PTPRG: variants seen among roughly 807,000 people sequenced by gnomAD.
The protein encoded by PTPRG is protein tyrosine phosphatase receptor type G, also known as receptor-type tyrosine-protein phosphatase gamma.
A neutral mutation model predicts 165.3 loss-of-function variants in PTPRG; 102 were observed. The observed-to-expected ratio is 0.62, with a 90% CI of 0.53 to 0.73. The LOEUF is 0.73. PTPRG is among the 30% of genes least tolerant of loss of function. The pLI is 0.00. For synonymous variants in PTPRG, 675 were observed against 669.5 expected (o/e 1.01, Z -0.13); for missense variants, 1,866 against 1,861.4 (o/e 1.00, Z -0.05).
chr3:61,638,518 A>G (rs571338817), intron 1 of PTPRG, among the ~76,000 whole-genome samples: 5 of 110,426 alleles, frequency 4.5e-5, no homozygotes, highest in Non-Finnish European at 9.1e-5. Context: ...TTATTTTTAG[A>G]TTATCATAGA....
chr3:61,754,469 G>A lies in PTPRG; in HGVS notation c.190+5487G>A, dbSNP rs116854951. Among the ~76,000 whole-genome samples the A allele has an allele frequency of 8.1e-4, 124 of 152,170 alleles. 2 individuals are homozygous for A. In the East Asian group the frequency reaches 0.02, roughly 24 times the overall value. On this transcript the variant is annotated intron_variant, in intron 2 of 29. Coordinates refer to ENST00000474889, the MANE Select transcript of PTPRG (RefSeq NM_002841.4). Reference sequence around the variant, plus strand: ...GTCTGGGCGTGTGTCTCATTTCCCCGGCTAAGTGTAGAATCCTTGAAGACA... The same window carrying A: ...GTCTGGGCGTGTGTCTCATTTCCCCAGCTAAGTGTAGAATCCTTGAAGACA...
chr3:61,785,730 A>G (rs2034675039), intron 2 of PTPRG, among the ~76,000 whole-genome samples: 1 of 152,200 alleles, frequency 6.6e-6, no homozygotes, highest in South Asian at 2.1e-4. Flanking sequence ...ACAGTATAAA[A>G]TCTTTATATA....
intron 2 of PTPRG, among the ~76,000 whole-genome samples, chr3:61,940,583 G>A (rs1280589397): frequency 6.6e-6 from 1 of 152,050 alleles, no homozygotes; most frequent in Non-Finnish European, 1.5e-5. Context: ...TCTCTTGGTA[G>A]AATTACACAT....
At position 62,219,126 on chromosome 3, in the gene PTPRG, CTT is replaced by C; in HGVS notation, c.2288+144_2288+145del. 3 of 1,156,416 alleles carry C rather than the reference CTT, an allele frequency of 2.6e-6. No individual in the cohort carries two copies. The highest frequency in any genetic ancestry group is 3.6e-6 in the Non-Finnish European group (3 of 822,214). The allele number at this position is 1,156,416 out of a possible 1,614,324, so 71.6% of individuals were successfully genotyped here. ...CTGGTCTTGCCACCCGGAAGGCCAT[CTT>C]GTCTCTGTTAGATGATGGCAGGGCC... On this transcript the variant is annotated intron_variant, in intron 13 of 29. Coordinates refer to ENST00000474889, the MANE Select transcript of PTPRG (RefSeq NM_002841.4). The surrounding 1 kb of genome is among the most constrained non-coding windows in gnomAD (Gnocchi z 4.5).
At chr3:61,978,092 T>C (rs528903339) in intron 2 of PTPRG, among the ~76,000 whole-genome samples, 3 of 152,340 alleles carry the variant, frequency 2.0e-5, no homozygotes, top group African/African-American at 7.2e-5. Context: ...CCTCAAGTGA[T>C]CTGCCCGCCT....
chr3:61,678,009 A>T (rs1703295075), intron 1 of PTPRG, among the ~76,000 whole-genome samples: 1 of 152,192 alleles, frequency 6.6e-6, no homozygotes, highest in Non-Finnish European at 1.5e-5. Flanking sequence ...GTAACACAAC[A>T]TGCTGTGTGC....
intron 12 of PTPRG, among the ~76,000 whole-genome samples, chr3:62,205,149 T>G (rs1178050037): frequency 1.3e-5 from 2 of 152,128 alleles, no homozygotes; most frequent in African/African-American, 4.8e-5. Context: ...AAAGCTGCTA[T>G]GAACTAATTT....
rs1702970178 is a variant in PTPRG at position 62,293,457 on chromosome 3, T to A, written c.*150T>A. 1.5e-6 allele frequency: 1 copy of A among 648,168 alleles called. No individual in the cohort carries two copies. Among genetic ancestry groups the A allele is most frequent in the Admixed American group, 3.7e-5 (1 of 26,820 alleles). 40.2% of individuals were successfully genotyped at this position (648,168 alleles called of 1,614,324 possible). A position where few individuals can be genotyped will look rare whatever the true frequency, so the allele number is the denominator to read the frequency against. On this transcript the variant is annotated 3_prime_UTR_variant, in exon 30 of 30. Transcript: ENST00000474889. ...GATATTTATTTTTTGCCATTTTATG[T>A]CTTAATGGTATCCTACTGAGCATTT...
intron 1 of PTPRG, among the ~76,000 whole-genome samples, chr3:61,681,460 T>C (rs943824711): frequency 2.0e-5 from 3 of 152,252 alleles, no homozygotes; most frequent in Admixed American, 1.3e-4. Context: ...GTTGACTGGA[T>C]CTCGTAATCT....
chr3:61,581,961 G>GTTTTAT (rs529877697), intron 1 of PTPRG, among the ~76,000 whole-genome samples: 3 of 151,100 alleles, frequency 2.0e-5, no homozygotes, highest in African/African-American at 7.3e-5. Flanking sequence ...ATTTTGTTTT[G>GTTTTAT]TTTTATTTTT....
chr3:61,968,684 G>A (rs962042659), intron 2 of PTPRG, among the ~76,000 whole-genome samples: 1 of 152,044 alleles, frequency 6.6e-6, no homozygotes, highest in Non-Finnish European at 1.5e-5. Context: ...ACCATTTGGG[G>A]GTTGACTTTG....
At chr3:61,621,069 G>GTA (rs1380697676) in intron 1 of PTPRG, among the ~76,000 whole-genome samples, 2 of 142,920 alleles carry the variant, frequency 1.4e-5, no homozygotes, top group South Asian at 2.3e-4. Context: ...GTGTGTGTGT[G>GTA]TGTGTGTGTA....
intron 1 of PTPRG, among the ~76,000 whole-genome samples, chr3:61,710,845 A>C (rs146036395): frequency 7.3e-4 from 111 of 152,216 alleles, no homozygotes; most frequent in African/African-American, 2.5e-3. Flanking sequence ...ATAGGTATGC[A>C]TGTGCCATGG....
Position 62,271,477 on chromosome 3 carries a change from C to T in PTPRG, c.3104C>T (p.Ala1035Val). 6.2e-7 allele frequency: 1 copy of T among 1,613,976 alleles called. No individual in the cohort carries two copies. The change falls in exon 21 of 30, where the codon GCC (alanine) becomes GTC (valine). Residue 1035 changes from alanine (A) to valine (V), a missense_variant. Physicochemically the swap from Ala to Val is moderately conservative, Grantham distance 64. Around this residue, in one of 3 missense-constraint regions of PTPRG, gnomAD observed 1,452 missense variants for 1,463.0 expected, o/e 0.99. Transcript: ENST00000474889. The surrounding 1 kb of genome is among the most constrained non-coding windows in gnomAD (Gnocchi z 4.1). The part of the protein sequence containing the change: ...QWPDMGVPEY[A>V]LPVLTFVRRS... The stretch of plus-strand genomic sequence containing the variant: ...CCTGACATGGGAGTTCCCGAGTATG[C>T]CCTTCCAGTACTGACTTTCGTGAGG...
chr3:62,139,671 A>G lies in PTPRG; in HGVS notation c.682+7003A>G, dbSNP rs140225301. Among the ~76,000 whole-genome samples, 392 of 152,342 alleles carry G rather than the reference A, an allele frequency of 2.6e-3. 1 individual carries two copies. In the Middle Eastern group the frequency reaches 0.065, roughly 25 times the overall value. On this transcript the variant is annotated intron_variant, in intron 6 of 29. Transcript: ENST00000474889. ...GCTCTTGCAAGCTTTTCTTGTCGAA[A>G]CACGGCACTGGCAGTTGTGGCTATG... is the stretch of plus-strand genomic sequence containing the variant.
At chr3:61,762,118 G>A (rs548734700) in intron 2 of PTPRG, among the ~76,000 whole-genome samples, 28 of 152,284 alleles carry the variant, frequency 1.8e-4, no homozygotes, top group African/African-American at 6.3e-4. Flanking sequence ...ATAATGGGAG[G>A]TATTTTCTTC....
intron 1 of PTPRG, among the ~76,000 whole-genome samples, chr3:61,611,584 G>C (rs930870876): frequency 5.3e-5 from 8 of 152,186 alleles, no homozygotes; most frequent in Non-Finnish European, 8.8e-5. Context: ...TGGGCCTTCA[G>C]TTTATTTGGA....
chr3:62,050,307 C>T (rs1047045666), intron 4 of PTPRG, among the ~76,000 whole-genome samples: 5 of 152,146 alleles, frequency 3.3e-5, no homozygotes, highest in Non-Finnish European at 4.4e-5. Context: ...TACCGAAATA[C>T]TTACCATCAT....
intron 1 of PTPRG, among the ~76,000 whole-genome samples, chr3:61,596,157 G>A (rs1013994925): frequency 1.3e-5 from 2 of 152,170 alleles, no homozygotes; most frequent in East Asian, 1.9e-4. Flanking sequence ...TTCTTGAAAA[G>A]TTGCTTATCT....
Sources: gnomAD v4.1 joint callset for allele counts (sites outside exome capture counted in the v4.1 genomes callset) on GRCh38, gnomAD v4.1.1 for gene constraint, gnomAD v4.1.1 regional missense constraint, Gnocchi (gnomAD v3.1) non-coding constraint, MANE v1.5 for transcripts, NCBI Gene and HGNC (gene_info 2026-07-23, HGNC 2026-07-21) for gene names.